The following PADI1 variants were observed in gnomAD, a reference collection of about 807,000 sequenced individuals.
PADI1 encodes the protein protein-arginine deiminase type-1.
PADI1 carries 65 observed loss-of-function variants against 74.8 expected under a neutral mutation model. The observed-to-expected ratio is 0.87, with a 90% CI of 0.71 to 1.07. The LOEUF (loss-of-function observed/expected upper bound fraction) is 1.07, where lower values mean the gene tolerates loss of function less well. Ranked by LOEUF, PADI1 falls within the 50% of genes least tolerant of loss-of-function variation. The probability of loss-of-function intolerance (pLI) is 0.00; values close to 1 mark genes in which losing one functional copy is unlikely to be tolerated. For missense variants in PADI1, 943 were observed against 854.0 expected (o/e 1.10, Z -1.30); for synonymous variants, 371 against 336.2 (o/e 1.10, Z -1.13).
intron 4 of PADI1, among the ~76,000 whole-genome samples, chr1:17,225,524 T>C (rs2072283255): frequency 6.6e-6 from 1 of 151,962 alleles, no homozygotes; most frequent in Non-Finnish European, 1.5e-5. Flanking sequence ...TAGCCAGCTT[T>C]TGAGGGCCAT....
chr1:17,220,312 A>G (rs1354405427), intron 1 of PADI1, among the ~76,000 whole-genome samples: 1 of 152,012 alleles, frequency 6.6e-6, no homozygotes, highest in East Asian at 1.9e-4. Context: ...GTCAATGGAG[A>G]CAGTTTTTTG....
intron 4 of PADI1, among the ~76,000 whole-genome samples, chr1:17,225,568 AGT>A (rs1365579416): frequency 4.6e-5 from 7 of 151,382 alleles, no homozygotes; most frequent in African/African-American, 1.7e-4. Flanking sequence ...TTGCTTCTCC[AGT>A]GTGATGGCTG....
chr1:17,240,809 G>A (rs768788679), intron 15 of PADI1, 49 bp downstream of exon 15: 37 of 1,593,916 alleles, frequency 2.3e-5, no homozygotes, highest in Non-Finnish European at 9.4e-6. Context: ...GGGGCTCTGA[G>A]AAGAAGCACT....
intron 1 of PADI1, among the ~76,000 whole-genome samples, chr1:17,214,508 T>C (rs2071921472): frequency 6.6e-6 from 1 of 152,154 alleles, no homozygotes; most frequent in Non-Finnish European, 1.5e-5. Flanking sequence ...GGAGGGGTGC[T>C]TTCAAATCTG....
At chr1:17,218,812 C>T (rs565286067) in intron 1 of PADI1, among the ~76,000 whole-genome samples, 1 of 152,222 alleles carries the variant, frequency 6.6e-6, no homozygotes, top group African/African-American at 2.4e-5. Flanking sequence ...AGGGGATGTG[C>T]CCCAGGAGGG....
In PADI1 at chr1:17,238,654, C is replaced by T. The variant is rs1415217853; in HGVS notation, c.1497C>T (p.Leu499=). ...RLLLASPSAC[L]KLFQEKKEEG... ...TCCTGGCTAGCCCCAGCGCTTGCCTCAAACTCTTCCAAGAGAAGAAAGAAG... is the reference window on the plus strand; with the variant it reads ...TCCTGGCTAGCCCCAGCGCTTGCCTTAAACTCTTCCAAGAGAAGAAAGAAG... The change falls in exon 13 of 16, where the codon CTC becomes CTT. Residue 499 remains leucine (L), a synonymous_variant. Coordinates refer to ENST00000375471, the MANE Select transcript of PADI1 (RefSeq NM_013358.3). The T allele has an allele frequency of 2.6e-6, 4 of 1,555,588 alleles. No homozygotes were observed. In the African/African-American group the frequency reaches 5.5e-5, roughly 21 times the overall value.
At chr1:17,223,900 T>C (rs1226569723) in intron 3 of PADI1, among the ~76,000 whole-genome samples, 2 of 152,168 alleles carry the variant, frequency 1.3e-5, no homozygotes, top group Non-Finnish European at 2.9e-5. Context: ...ATCTAGAAAC[T>C]TCACTGCCCA....
At chr1:17,223,497 G>A in intron 2 of PADI1, 124 bp from the exon 3 acceptor site, 5 of 743,234 alleles carry the variant, frequency 6.7e-6, no homozygotes, top group Admixed American at 2.2e-5. Flanking sequence ...GGACTTCAGA[G>A]ACTGGGGGGG....
At position 17,237,375 on chromosome 1, in the gene PADI1, G is replaced by A; in HGVS notation, c.1375G>A (p.Ala459Thr). Residue 459 changes from alanine to threonine, a missense_variant, in exon 12 of 16, where the codon GCA (alanine) becomes ACA (threonine). Transcript: ENST00000375471. Reference sequence around the variant, plus strand: ...CTTCCTGAAGGCACAGCAGGTGCAGGCACCCGTGGAGCTCTACTCGGACTG... The same window carrying A: ...CTTCCTGAAGGCACAGCAGGTGCAGACACCCGTGGAGCTCTACTCGGACTG... ...RNFLKAQQVQAPVELYSDWLS... is the reference protein window; with the variant it reads ...RNFLKAQQVQTPVELYSDWLS... 1.2e-6 allele frequency: 2 copies of A among 1,613,566 alleles called. No homozygotes were observed. The highest frequency in any genetic ancestry group is 1.7e-6 in the Non-Finnish European group (2 of 1,179,708).
chr1:17,223,723 A>T, intron 3 of PADI1, 30 bp downstream of exon 3: 1 of 1,584,842 alleles, frequency 6.3e-7, no homozygotes, highest in Non-Finnish European at 8.7e-7. Flanking sequence ...CTGCCCATCT[A>T]TCCCTTTGCC....
chr1:17,216,361 C>T (rs143941260), intron 1 of PADI1, among the ~76,000 whole-genome samples: 14 of 152,004 alleles, frequency 9.2e-5, no homozygotes, highest in African/African-American at 2.9e-4. Context: ...GAGGTGAGAG[C>T]GGTCAGGGTC....
At chr1:17,233,589 C>T (rs960144012) in intron 11 of PADI1, among the ~76,000 whole-genome samples, 1 of 152,246 alleles carries the variant, frequency 6.6e-6, no homozygotes, top group Non-Finnish European at 1.5e-5. Flanking sequence ...AGTGGGTGCA[C>T]ACCCTCCCTG....
chr1:17,240,690 G>C lies in PADI1; in HGVS notation c.1688G>C (p.Ser563Thr). 1 of 1,614,110 alleles carries C rather than the reference G, an allele frequency of 6.2e-7. No homozygotes were observed. ...AAGCGGGAGCTGGGCCTGGCAGAGAGTGACATCGTGGACATTCCCCAGCTC... is the reference window on the plus strand; with the variant it reads ...AAGCGGGAGCTGGGCCTGGCAGAGACTGACATCGTGGACATTCCCCAGCTC... ...VLKRELGLAE[S>T]DIVDIPQLFF... is the part of the protein sequence containing the mutation. The change falls in exon 15 of 16, where the codon AGT becomes ACT. Residue 563 changes from serine (S) to threonine (T), a missense_variant. Physicochemically the swap from Ser to Thr is moderately conservative, Grantham distance 58. Transcript: ENST00000375471.
At chr1:17,230,995 C>T (rs1370356394) in intron 10 of PADI1, among the ~76,000 whole-genome samples, 1 of 152,170 alleles carries the variant, frequency 6.6e-6, no homozygotes, top group African/African-American at 2.4e-5. Flanking sequence ...TCTGGGGAGA[C>T]CAAACTGCCT....
chr1:17,209,404 G>C (rs912248833), intron 1 of PADI1, among the ~76,000 whole-genome samples: 4 of 152,202 alleles, frequency 2.6e-5, no homozygotes, highest in Non-Finnish European at 5.9e-5. Context: ...ACAGGGCCCT[G>C]ACAGGCCCGG....
At chr1:17,224,053 A>G (rs541239307) in intron 3 of PADI1, among the ~76,000 whole-genome samples, 30 of 152,346 alleles carry the variant, frequency 2.0e-4, no homozygotes, top group African/African-American at 7.0e-4. Context: ...AGCCCCTGCA[A>G]CCTCAGGCCA....
Position 17,235,201 on chromosome 1 carries a change from G to A in PADI1, c.1314-2113G>A, listed in dbSNP as rs1569837435. ...GGAAGGAAGGAAAGAAGGAAGGAAGGGAGGGAGGGAGGAAGGGAAGGAAGG... is the reference window on the plus strand; with the variant it reads ...GGAAGGAAGGAAAGAAGGAAGGAAGAGAGGGAGGGAGGAAGGGAAGGAAGG... On this transcript the variant is annotated intron_variant, in intron 11 of 15. Coordinates refer to ENST00000375471, the MANE Select transcript of PADI1 (RefSeq NM_013358.3). Among the ~76,000 whole-genome samples the A allele has an allele frequency of 2.3e-5, 3 of 132,786 alleles. 1 individual carries two copies. The highest frequency in any genetic ancestry group is 2.9e-5 in the African/African-American group (1 of 34,898). 87.1% of individuals were successfully genotyped at this position (132,786 alleles called of 152,430 possible).
At chr1:17,238,570 TA>T in intron 12 of PADI1, 45 bp from the exon 13 acceptor site, 1 of 1,135,834 alleles carries the variant, frequency 8.8e-7, no homozygotes. Context: ...CTCCTGTGTC[TA>T]AGGGGACCCT....
chr1:17,206,575 T>G (rs947260492), intron 1 of PADI1, among the ~76,000 whole-genome samples: 2 of 152,184 alleles, frequency 1.3e-5, no homozygotes, highest in African/African-American at 4.8e-5. Context: ...CTGGTTAAGT[T>G]TGAATTTCAG....
Sources: gnomAD v4.1 joint callset for allele counts (sites outside exome capture counted in the v4.1 genomes callset) on GRCh38, gnomAD v4.1.1 for gene constraint, MANE v1.5 for transcripts, NCBI Gene and HGNC (gene_info 2026-07-23, HGNC 2026-07-21) for gene names.